SLC28A3: variants seen among roughly 807,000 people sequenced by gnomAD.
SLC28A3 encodes concentrative Na(+)-nucleoside cotransporter 3.
In SLC28A3, 68 loss-of-function variants were observed where a neutral mutation model predicts 84.2. The ratio of observed to expected loss-of-function variants is 0.81; its 90% CI spans 0.66 to 0.99. The LOEUF (loss-of-function observed/expected upper bound fraction) is 0.99, where lower values mean the gene tolerates loss of function less well. Ranked by LOEUF, SLC28A3 falls within the 50% of genes least tolerant of loss-of-function variation. The pLI, the probability that SLC28A3 is intolerant of heterozygous loss-of-function variation, is 0.00. For missense variants in SLC28A3, 712 were observed against 841.5 expected (o/e 0.85, Z 1.90); for synonymous variants, 267 against 303.6 (o/e 0.88, Z 1.25).
chr9:84,330,261 G>GA (rs1271998126), intron 1 of SLC28A3, among the ~76,000 whole-genome samples: 1 of 151,360 alleles, frequency 6.6e-6, no homozygotes, highest in African/African-American at 2.4e-5. Context: ...AGAAACCAAG[G>GA]AAAAAAAAGA....
In SLC28A3 at chr9:84,297,204, A is replaced by C. The variant is rs11568382; in HGVS notation, c.861+17T>G. 8.7e-6 allele frequency: 14 copies of C among 1,602,056 alleles called. No individual in the cohort carries two copies. The African/African-American group carries it at 1.9e-4, about 22-fold the overall frequency. On this transcript the variant is annotated intron_variant, in intron 8 of 17. Coordinates refer to ENST00000376238, the MANE Select transcript of SLC28A3 (RefSeq NM_001199633.2). ...CTGAAATAGCAGCGACTACATAGAA[A>C]AAAGGTTTGACTTTACCTTAAATGC...
chr9:84,312,272 A>G (rs1826015459), intron 2 of SLC28A3, among the ~76,000 whole-genome samples: 1 of 152,200 alleles, frequency 6.6e-6, no homozygotes, highest in South Asian at 2.1e-4. Flanking sequence ...TTTACAATCA[A>G]TTAAGCAAAA....
chr9:84,341,434 A>G (rs1178462024), upstream of SLC28A3, among the ~76,000 whole-genome samples: 1 of 152,168 alleles, frequency 6.6e-6, no homozygotes, highest in Non-Finnish European at 1.5e-5. Context: ...GGATAGATGG[A>G]TAGATACATA....
intron 1 of SLC28A3, among the ~76,000 whole-genome samples, chr9:84,320,561 T>A (rs185431823): frequency 3.3e-4 from 51 of 152,322 alleles, no homozygotes; most frequent in Non-Finnish European, 6.3e-4. Context: ...CAGCCTTTTA[T>A]GCTTAACTCT....
chr9:84,302,489 T>A, intron 4 of SLC28A3, 100 bp from the exon 5 acceptor site: 2 of 1,082,026 alleles, frequency 1.8e-6, no homozygotes, highest in Non-Finnish European at 2.7e-6. Context: ...AGGTTTAATA[T>A]CATTAAATAT....
chr9:84,307,445 A>ACAAAAAAG (rs72338719), intron 3 of SLC28A3, among the ~76,000 whole-genome samples: 1 of 146,376 alleles, frequency 6.8e-6, no homozygotes, highest in Non-Finnish European at 1.5e-5. Context: ...AAAAAAAAAA[A>ACAAAAAAG]CAAAAACAAA....
At chr9:84,308,023 A>G (rs951572607) in intron 3 of SLC28A3, among the ~76,000 whole-genome samples, 6 of 152,158 alleles carry the variant, frequency 3.9e-5, no homozygotes, top group Non-Finnish European at 8.8e-5. Context: ...TGATATGGTA[A>G]ATATTTGGGA....
At chr9:84,338,773 A>T (rs900485518) in intron 1 of SLC28A3, among the ~76,000 whole-genome samples, 4 of 152,084 alleles carry the variant, frequency 2.6e-5, no homozygotes, top group African/African-American at 9.7e-5. Flanking sequence ...CCCATGCTTT[A>T]TGCTTTTCCC....
intron 9 of SLC28A3, among the ~76,000 whole-genome samples, 188 bp from the exon 10 acceptor site, chr9:84,292,936 T>G (rs1470292814): frequency 9.9e-5 from 15 of 152,238 alleles, no homozygotes. Flanking sequence ...AATCCTCTTA[T>G]TGGAGTAGTA....
In SLC28A3 at chr9:84,318,871, GA is replaced by G. The variant is rs1332591307; in HGVS notation, c.61-5418del. Among the ~76,000 whole-genome samples, 170 of 133,084 alleles carry G rather than the reference GA, an allele frequency of 1.3e-3. 2 individuals are homozygous for G. In the East Asian group the frequency reaches 0.017, roughly 13 times the overall value. The allele number at this position is 133,084 out of a possible 152,430, so 87.3% of individuals were successfully genotyped here. On this transcript the variant is annotated intron_variant, in intron 1 of 17. Transcript: ENST00000376238. Reference sequence around the variant, plus strand: ...GCAACAAAAGTGAAACCCTGTCTCAGAAAAAAAAAAAAGAAAAAGGAATATG... The same window carrying G: ...GCAACAAAAGTGAAACCCTGTCTCAGAAAAAAAAAAAGAAAAAGGAATATG...
At chr9:84,313,495 C>T in intron 1 of SLC28A3, 41 bp from the exon 2 acceptor site, 3 of 1,523,644 alleles carry the variant, frequency 2.0e-6, no homozygotes, top group African/African-American at 1.4e-5. Flanking sequence ...AAAGTTACAG[C>T]CAAAAGACAG....
At chr9:84,297,804 C>T (rs1414069892) in intron 7 of SLC28A3, 102 bp downstream of exon 7, 1 of 910,574 alleles carries the variant, frequency 1.1e-6, no homozygotes, top group African/African-American at 1.7e-5. Flanking sequence ...AAATTTGAGA[C>T]AACTCATGCA....
Position 84,329,265 on chromosome 9 carries a change from C to A in SLC28A3, c.60+11309G>T, listed in dbSNP as rs76291495. 8.5e-3 allele frequency among the ~76,000 whole-genome samples: 1,296 copies of A among 152,252 alleles called. 19 individuals are homozygous for A. Among genetic ancestry groups the A allele is most frequent in the East Asian group, 0.042 (219 of 5,180 alleles). ...TTCATGGGAGAAGTAGACAGTTCAT[C>A]AATAGCTGGATATTTCATTACCCCA... On this transcript the variant is annotated intron_variant, in intron 1 of 17. Coordinates refer to ENST00000376238, the MANE Select transcript of SLC28A3 (RefSeq NM_001199633.2).
chr9:84,299,518 T>C, intron 6 of SLC28A3, 63 bp downstream of exon 6: 1 of 1,588,174 alleles, frequency 6.3e-7, no homozygotes, highest in Non-Finnish European at 8.6e-7. Flanking sequence ...AATCAGTATT[T>C]TGAGCAATTT....
At chr9:84,330,072 G>A (rs971345895) in intron 1 of SLC28A3, among the ~76,000 whole-genome samples, 1 of 151,684 alleles carries the variant, frequency 6.6e-6, no homozygotes, top group African/African-American at 2.4e-5. Context: ...AAGAAATAAT[G>A]AAGATTATCG....
the SLC28A3 span, among the ~76,000 whole-genome samples, chr9:84,362,255 T>A: frequency 2.6e-5 from 4 of 152,184 alleles, no homozygotes; most frequent in Non-Finnish European, 5.9e-5. Context: ...GGGCTTCATC[T>A]GTTAATATTG....
chr9:84,320,102 T>TA, intron 1 of SLC28A3, among the ~76,000 whole-genome samples: 1 of 138,854 alleles, frequency 7.2e-6, no homozygotes, highest in African/African-American at 2.8e-5. Flanking sequence ...TAGGCTGGAG[T>TA]GCAGTGGCAT....
intron 1 of SLC28A3, 88 bp from the exon 2 acceptor site, chr9:84,313,542 G>C (rs1826063945): frequency 1.9e-6 from 2 of 1,033,562 alleles, no homozygotes; most frequent in Non-Finnish European, 1.4e-6. Context: ...GGAATTTGGA[G>C]GATGAGACAA....
chr9:84,330,319 C>A (rs1412137870), intron 1 of SLC28A3, among the ~76,000 whole-genome samples: 1 of 152,176 alleles, frequency 6.6e-6, no homozygotes, highest in East Asian at 1.9e-4. Context: ...GATATTACTA[C>A]TGATATTACA....
Sources: gnomAD v4.1 joint callset for allele counts (sites outside exome capture counted in the v4.1 genomes callset) on GRCh38, gnomAD v4.1.1 for gene constraint, MANE v1.5 for transcripts, NCBI Gene and HGNC (gene_info 2026-07-23, HGNC 2026-07-21) for gene names.